TOP3B: variants seen among roughly 807,000 people sequenced by gnomAD.
The protein encoded by TOP3B is DNA topoisomerase III beta, also known as DNA topoisomerase 3-beta-1.
TOP3B carries 45 observed loss-of-function variants against 93.9 expected under a neutral mutation model. The ratio of observed to expected loss-of-function variants is 0.48; its 90% CI spans 0.38 to 0.61. The LOEUF is 0.61. Among genes scored for constraint, TOP3B ranks in the 20% least tolerant of loss-of-function variants. TOP3B has a pLI of 0.00. For missense variants in TOP3B, 750 were observed against 1,156.1 expected, an observed-to-expected ratio of 0.65 and a Z score of 5.09; for synonymous variants, 357 against 472.6, an observed-to-expected ratio of 0.76 and a Z score of 3.17.
At chr22:21,961,785 C>T (rs9610720) in intron 13 of TOP3B, 6,957 of 161,944 alleles carry the variant, frequency 0.043, 344 homozygotes, top group East Asian at 0.22. Context: ...CAGTGCCCAG[C>T]GGCGCGAGTG....
chr22:21,974,351 G>A lies in TOP3B; in HGVS notation c.202+6C>T. ...CTTCAGTAGGATGGAGGGTAGAGGG[G>A]CTTACCCAGGAAATCCAGGGTCATC... is the stretch of plus-strand genomic sequence containing the variant. On this transcript the variant is annotated splice_donor_region_variant and intron_variant, in intron 3 of 17. Transcript: ENST00000357179. 1 of 1,613,274 alleles carries A rather than the reference G, an allele frequency of 6.2e-7. No individual in the cohort carries two copies. Among genetic ancestry groups the A allele is most frequent in the Non-Finnish European group, 8.5e-7 (1 of 1,179,382 alleles).
In TOP3B at chr22:21,965,349, C is replaced by G; in HGVS notation, c.879G>C (p.Lys293Asn). 4.4e-6 allele frequency: 7 copies of G among 1,606,752 alleles called. No homozygotes were observed. Among genetic ancestry groups the G allele is most frequent in the Non-Finnish European group, 5.9e-6 (7 of 1,176,650 alleles). Residue 293 changes from lysine (K) to asparagine (N), a missense_variant, in exon 9 of 18, where the codon AAG (lysine) becomes AAC (asparagine). Physicochemically the swap from Lys to Asn is moderately conservative, Grantham distance 94. Coordinates refer to ENST00000357179, the MANE Select transcript of TOP3B (RefSeq NM_001282112.2). Reference protein sequence around the residue: ...AQVEATSRKEKAKQRPLALNT... With the variant: ...AQVEATSRKENAKQRPLALNT... The stretch of plus-strand genomic sequence containing the variant: ...TCAGGGCCAGGGGCCTCTGCTTGGC[C>G]TTTTCTTTCCTGCTTGTGGCCTCCA...
At chr22:21,959,911 C>T in intron 14 of TOP3B, 175 bp from the exon 15 acceptor site, 3 of 849,982 alleles carry the variant, frequency 3.5e-6, no homozygotes, top group Non-Finnish European at 5.3e-6. Context: ...CTCTTATGAC[C>T]CCAGACCTTT....
rs780690289 is a variant in TOP3B at position 21,958,523 on chromosome 22, G to A, written c.2076C>T (p.Tyr692=). The A allele has an allele frequency of 2.8e-5, 45 of 1,614,104 alleles. No individual in the cohort carries two copies. The East Asian group carries it at 9.6e-4, about 34-fold the overall frequency. ...TCATGTCTCGGAAGGGTGGGTGGTTGTAGCAGTAGGGGCACAGCGGGTAGC... is the reference window on the plus strand; with the variant it reads ...TCATGTCTCGGAAGGGTGGGTGGTTATAGCAGTAGGGGCACAGCGGGTAGC... ...GKSYPLCPYC[Y]NHPPFRDMKK... The change falls in exon 17 of 18, where the codon TAC becomes TAT. Residue 692 remains tyrosine, a synonymous_variant. Transcript: ENST00000357179.
intron 1 of TOP3B, among the ~76,000 whole-genome samples, chr22:21,978,965 G>C (rs1180502973): frequency 6.6e-6 from 1 of 152,106 alleles, no homozygotes; most frequent in Non-Finnish European, 1.5e-5. Flanking sequence ...GGAGGGTGAG[G>C]GGCAAGAGAG....
intron 1 of TOP3B, 177 bp from the exon 2 acceptor site, chr22:21,975,984 G>A (rs2071854380): frequency 3.7e-6 from 1 of 273,756 alleles, no homozygotes; most frequent in Non-Finnish European, 6.6e-6. Flanking sequence ...AAACTACCAG[G>A]TCAGCTGAAG....
At chr22:21,959,513 T>G (rs2071073742) in intron 15 of TOP3B, 74 bp downstream of exon 15, 6 of 1,530,156 alleles carry the variant, frequency 3.9e-6, no homozygotes, top group Non-Finnish European at 5.3e-6. Context: ...CGTGGGGACC[T>G]GGGTCCCCAG....
intron 4 of TOP3B, chr22:21,972,342 A>C (rs889288640): frequency 2.1e-6 from 1 of 468,462 alleles, no homozygotes; most frequent in African/African-American, 2.0e-5. Context: ...ATTTGTTTTA[A>C]AATTAAGGAG....
At chr22:21,978,426 A>C (rs574328350) in intron 1 of TOP3B, among the ~76,000 whole-genome samples, 1 of 152,248 alleles carries the variant, frequency 6.6e-6, no homozygotes, top group South Asian at 2.1e-4. Flanking sequence ...AAAAAAGCAA[A>C]AGGAACAACC....
Position 21,959,590 on chromosome 22 carries a change from C to A in TOP3B, c.1801G>T (p.Ala601Ser). The change falls in exon 15 of 18, where the codon GCT becomes TCT. Residue 601 changes from alanine to serine, a missense_variant. Physicochemically the swap from Ala to Ser is moderately conservative, Grantham distance 99. Around this residue, in one of 4 missense-constraint regions of TOP3B, gnomAD observed 737 missense variants for 933.7 expected, o/e 0.79. Coordinates refer to ENST00000357179, the MANE Select transcript of TOP3B (RefSeq NM_001282112.2). ...RKFHYFVDSI[A>S]GMDELMEVSF... Reference sequence around the variant, plus strand: ...GCAGGCCAGAGGCAGACTCTACCAGCAATGGAGTCGACAAAGTAGTGGAAC... The same window carrying A: ...GCAGGCCAGAGGCAGACTCTACCAGAAATGGAGTCGACAAAGTAGTGGAAC... 2 of 1,608,878 alleles carry A rather than the reference C, an allele frequency of 1.2e-6. No individual in the cohort carries two copies. The highest frequency in any genetic ancestry group is 8.5e-7 in the Non-Finnish European group (1 of 1,176,780).
intron 7 of TOP3B, chr22:21,968,378 A>G (rs2071497351): frequency 1.9e-6 from 1 of 515,538 alleles, no homozygotes; most frequent in Non-Finnish European, 3.5e-6. Flanking sequence ...CTCACCCTGC[A>G]CTGCCAGAGC....
chr22:21,960,274 A>G lies in TOP3B; in HGVS notation c.1654+47T>C, dbSNP rs755270209. On this transcript the variant is annotated intron_variant, in intron 14 of 17. Coordinates refer to ENST00000357179, the MANE Select transcript of TOP3B (RefSeq NM_001282112.2). ...GCAGCAGAGCCAACATCCAGGGAGA[A>G]GCCAGGGAGCCTCGGTGGGCCCTGG... 7 of 1,611,310 alleles carry G rather than the reference A, an allele frequency of 4.3e-6. No homozygotes were observed. The East Asian group carries it at 1.6e-4, about 36-fold the overall frequency.
chr22:21,970,059 T>C lies in TOP3B; in HGVS notation c.581+151A>G. ...TGCAGGGATTACAGGTGTTAGCCACTGTGCCTGGCCTTCTTCAGGGTTGGT... is the reference window on the plus strand; with the variant it reads ...TGCAGGGATTACAGGTGTTAGCCACCGTGCCTGGCCTTCTTCAGGGTTGGT... On this transcript the variant is annotated intron_variant, in intron 6 of 17. Transcript: ENST00000357179. This position sits in a 1 kb window ranked among gnomAD's most constrained non-coding sequence, Gnocchi z 4.4. 2.5e-6 allele frequency: 2 copies of C among 790,604 alleles called. No homozygotes were observed. The highest frequency in any genetic ancestry group is 4.0e-6 in the Non-Finnish European group (2 of 505,632). 49.0% of individuals were successfully genotyped at this position (790,604 alleles called of 1,614,324 possible).
intron 7 of TOP3B, 143 bp downstream of exon 7, chr22:21,968,476 A>T: frequency 9.9e-7 from 1 of 1,014,892 alleles, no homozygotes; most frequent in Non-Finnish European, 1.4e-6. Context: ...CCTCAGCCCT[A>T]GGCACCACAG....
chr22:21,974,368 A>G lies in TOP3B; in HGVS notation c.191T>C (p.Leu64Pro). The G allele has an allele frequency of 6.2e-7, 1 of 1,613,972 alleles. No individual in the cohort carries two copies. The highest frequency in any genetic ancestry group is 8.5e-7 in the Non-Finnish European group (1 of 1,179,866). Reference sequence around the variant, plus strand: ...GTAGAGGGGCTTACCCAGGAAATCCAGGGTCATCACGTGACCACAGACAGA... The same window carrying G: ...GTAGAGGGGCTTACCCAGGAAATCCGGGGTCATCACGTGACCACAGACAGA... ...MTSVCGHVMT[L>P]DFLGKYNKWD... The change falls in exon 3 of 18, where the codon CTG (leucine) becomes CCG (proline). Residue 64 changes from leucine (L) to proline (P), a missense_variant. This residue lies in a region of TOP3B where 737 missense variants were observed against 933.7 expected (regional missense o/e 0.79). Transcript: ENST00000357179.
At chr22:21,967,757 T>C (rs779584586) in intron 7 of TOP3B, 41 bp from the exon 8 acceptor site, 1 of 1,536,558 alleles carries the variant, frequency 6.5e-7, no homozygotes, top group Non-Finnish European at 9.0e-7. Flanking sequence ...CAAGAAAAAG[T>C]CTCCAGGTGA....
chr22:21,980,322 G>A (rs1326855006), intron 1 of TOP3B, among the ~76,000 whole-genome samples: 6 of 152,116 alleles, frequency 3.9e-5, no homozygotes, highest in Admixed American at 3.9e-4. Flanking sequence ...CTAAGACAAG[G>A]GACTTTACAA....
chr22:21,958,486 A>T lies in TOP3B; in HGVS notation c.2107+6T>A. The T allele has an allele frequency of 6.2e-7, 1 of 1,613,656 alleles. No individual in the cohort carries two copies. The highest frequency in any genetic ancestry group is 8.5e-7 in the Non-Finnish European group (1 of 1,179,960). Reference sequence around the variant, plus strand: ...CCTGTGGACAGGAGGGAGTGGCTGCACTCACCTTTCTTCATGTCTCGGAAG... The same window carrying T: ...CCTGTGGACAGGAGGGAGTGGCTGCTCTCACCTTTCTTCATGTCTCGGAAG... On this transcript the variant is annotated splice_donor_region_variant and intron_variant, in intron 17 of 17. Transcript: ENST00000357179.
intron 3 of TOP3B, 113 bp downstream of exon 3, chr22:21,974,244 C>T: frequency 7.4e-7 from 1 of 1,355,988 alleles, no homozygotes; most frequent in African/African-American, 1.5e-5. Flanking sequence ...GGCCTTATGA[C>T]TCATGGAGTT....
Sources: gnomAD v4.1 joint callset for allele counts (sites outside exome capture counted in the v4.1 genomes callset) on GRCh38, gnomAD v4.1.1 for gene constraint, gnomAD v4.1.1 regional missense constraint, Gnocchi (gnomAD v3.1) non-coding constraint, MANE v1.5 for transcripts, NCBI Gene and HGNC (gene_info 2026-07-23, HGNC 2026-07-21) for gene names.